Variants in ZNF469 observed in about 807,000 individuals in gnomAD.
The protein encoded by ZNF469 is zinc finger protein 469.
A neutral mutation model predicts 1.0 loss-of-function variants in ZNF469; 1 was observed. That is an observed-to-expected ratio of 1.00 (90% confidence interval 0.35 to 4.73). The LOEUF (loss-of-function observed/expected upper bound fraction) is 4.73. ZNF469 is among the 30% of genes most tolerant of loss of function. The probability of loss-of-function intolerance (pLI) is 0.16; values close to 1 mark genes in which losing one functional copy is unlikely to be tolerated. For synonymous variants in ZNF469, 2,703 were observed against 2,363.4 expected (o/e 1.14, Z -4.17); for missense variants, 6,100 against 5,356.3 (o/e 1.14, Z -4.33).
the ZNF469 span, among the ~76,000 whole-genome samples, chr16:88,222,153 A>G: frequency 6.6e-6 from 1 of 152,318 alleles, no homozygotes; most frequent in Admixed American, 6.5e-5. Context: ...CAGTTTCAGA[A>G]TGTGAATCCT....
the ZNF469 span, among the ~76,000 whole-genome samples, chr16:88,308,041 T>A: frequency 1.3e-5 from 2 of 152,228 alleles, no homozygotes; most frequent in Non-Finnish European, 2.9e-5. Context: ...CTAACCTCAT[T>A]CTTTTGCACA....
the ZNF469 span, among the ~76,000 whole-genome samples, chr16:88,227,506 A>ATCTCCCCC: frequency 2.0e-5 from 1 of 48,892 alleles, no homozygotes; most frequent in African/African-American, 8.1e-5. Flanking sequence ...CCGTCTCCCC[A>ATCTCCCCC]TCTCCCCATC....
chr16:88,377,775 C>T, the ZNF469 span, among the ~76,000 whole-genome samples: 1,118 of 152,312 alleles, frequency 7.3e-3, 23 homozygotes, highest in Admixed American at 0.04. Flanking sequence ...CCTCAGGGCG[C>T]GGACCACGCC....
chr16:88,232,018 T>C, the ZNF469 span, among the ~76,000 whole-genome samples: 1 of 151,932 alleles, frequency 6.6e-6, no homozygotes, highest in Non-Finnish European at 1.5e-5. Context: ...GACCCAGGCA[T>C]GGTGGACCCT....
At chr16:88,359,450 T>C in the ZNF469 span, among the ~76,000 whole-genome samples, 1 of 152,256 alleles carries the variant, frequency 6.6e-6, no homozygotes, top group East Asian at 1.9e-4. Context: ...TTTTGTGCTC[T>C]GTTTCCCTGT....
At position 88,439,370 on chromosome 16, in the gene ZNF469, T is replaced by G; in HGVS notation, c.*38T>G. 6.5e-7 allele frequency: 1 copy of G among 1,548,992 alleles called. No individual in the cohort carries two copies. The highest frequency in any genetic ancestry group is 8.7e-7 in the Non-Finnish European group (1 of 1,146,234). ...AGAGCCTGGGACCGGAGCTGGGCGT[T>G]CCTGTCTCGGCCTGCCTCCTTGGCC... On this transcript the variant is annotated 3_prime_UTR_variant, in exon 3 of 3. Transcript: ENST00000565624.
chr16:88,398,345 G>GA (rs1267974505), intron 1 of ZNF469, among the ~76,000 whole-genome samples: 5 of 152,142 alleles, frequency 3.3e-5, no homozygotes, highest in South Asian at 2.1e-4. Flanking sequence ...CGGGTGAAGG[G>GA]ACACGTGAGC....
At chr16:88,315,388 T>C in the ZNF469 span, among the ~76,000 whole-genome samples, 1 of 152,186 alleles carries the variant, frequency 6.6e-6, no homozygotes, top group Non-Finnish European at 1.5e-5. Flanking sequence ...GTGGGGGCCG[T>C]CATCTTCTCC....
At chr16:88,158,227 C>T in the ZNF469 span, among the ~76,000 whole-genome samples, 1 of 151,518 alleles carries the variant, frequency 6.6e-6, no homozygotes, top group African/African-American at 2.4e-5. Context: ...CTCTGGGCCA[C>T]ACAGCAGGGA....
chr16:88,205,679 C>T, the ZNF469 span, among the ~76,000 whole-genome samples: 14 of 152,172 alleles, frequency 9.2e-5, no homozygotes, highest in African/African-American at 3.1e-4. This position sits in a 1 kb window ranked among gnomAD's most constrained non-coding sequence, Gnocchi z 4.2. Context: ...GGAACCGGCT[C>T]CCAAACCCCG....
chr16:88,281,954 A>T, the ZNF469 span, among the ~76,000 whole-genome samples: 1 of 152,112 alleles, frequency 6.6e-6, no homozygotes, highest in African/African-American at 2.4e-5. Flanking sequence ...TTGTACTGCG[A>T]GATGTTGAGC....
chr16:88,438,157 G>A lies in ZNF469; in HGVS notation c.10687G>A (p.Ala3563Thr). The change falls in exon 3 of 3, where the codon GCT (alanine) becomes ACT (threonine). Residue 3563 changes from alanine to threonine, a missense_variant. Ala to Thr is a moderately conservative substitution (Grantham distance 58). Coordinates refer to ENST00000565624, the MANE Select transcript of ZNF469 (RefSeq NM_001367624.2). ...PSLSPFPAALADGRGDCALDG... is the reference protein window; with the variant it reads ...PSLSPFPAALTDGRGDCALDG... Reference sequence around the variant, plus strand: ...TCTGTCTCCCTTCCCAGCTGCCTTGGCTGATGGCAGAGGAGACTGCGCGCT... The same window carrying A: ...TCTGTCTCCCTTCCCAGCTGCCTTGACTGATGGCAGAGGAGACTGCGCGCT... The A allele has an allele frequency of 2.6e-6, 4 of 1,550,186 alleles. No homozygotes were observed. The highest frequency in any genetic ancestry group is 3.5e-6 in the Non-Finnish European group (4 of 1,146,916).
chr16:88,201,117 G>A, the ZNF469 span, among the ~76,000 whole-genome samples: 4,576 of 152,346 alleles, frequency 0.03, 206 homozygotes, highest in East Asian at 0.18. This position sits in a 1 kb window ranked among gnomAD's most constrained non-coding sequence, Gnocchi z 5.0. Context: ...ACCACTGAGC[G>A]ACAGTTTCTC....
chr16:88,429,028 G>A lies in ZNF469; in HGVS notation c.1558G>A (p.Ala520Thr). 1 of 1,549,480 alleles carries A rather than the reference G, an allele frequency of 6.5e-7. No homozygotes were observed. The highest frequency in any genetic ancestry group is 8.7e-7 in the Non-Finnish European group (1 of 1,146,816). The change falls in exon 3 of 3, where the codon GCC (alanine) becomes ACC (threonine). Residue 520 changes from alanine (A) to threonine (T), a missense_variant. Ala to Thr is a moderately conservative substitution (Grantham distance 58). Coordinates refer to ENST00000565624, the MANE Select transcript of ZNF469 (RefSeq NM_001367624.2). ...CGAGTGGCAGGGGGGCAGCCAAGGA[G>A]CCCTGGGCACTGCTGGCAAGACACC... ...GPEWQGGSQGALGTAGKTPGP... is the reference protein window; with the variant it reads ...GPEWQGGSQGTLGTAGKTPGP...
the ZNF469 span, among the ~76,000 whole-genome samples, chr16:88,252,573 T>C: frequency 6.6e-6 from 1 of 152,168 alleles, no homozygotes; most frequent in African/African-American, 2.4e-5. Flanking sequence ...AGTTGTTATC[T>C]GCGGGAAGGT....
chr16:88,426,657 T>C (rs1180223339), intron 2 of ZNF469, among the ~76,000 whole-genome samples: 1 of 151,728 alleles, frequency 6.6e-6, no homozygotes, highest in Non-Finnish European at 1.5e-5. Flanking sequence ...AGGGAGACCC[T>C]GGCTGACGGC....
At chr16:88,347,737 C>T in the ZNF469 span, among the ~76,000 whole-genome samples, 2 of 152,190 alleles carry the variant, frequency 1.3e-5, no homozygotes, top group African/African-American at 2.4e-5. Flanking sequence ...CTCCCATCTT[C>T]GCCTTTCCAG....
chr16:88,136,263 G>T, the ZNF469 span, among the ~76,000 whole-genome samples: 52 of 152,304 alleles, frequency 3.4e-4, no homozygotes, highest in African/African-American at 1.2e-3. Context: ...CCTGGCCCCT[G>T]CCCTCCTCCT....
In ZNF469 at chr16:88,437,976, G is replaced by A; in HGVS notation, c.10506G>A (p.Glu3502=). 2 of 1,547,718 alleles carry A rather than the reference G, an allele frequency of 1.3e-6. No individual in the cohort carries two copies. Among genetic ancestry groups the A allele is most frequent in the Non-Finnish European group, 1.7e-6 (2 of 1,146,708 alleles). Residue 3502 remains glutamate, a synonymous_variant, in exon 3 of 3, where the codon GAG becomes GAA. Transcript: ENST00000565624. ...GGGGAAGCAGCCCCATCCTGAGTGAGGGCTCTCTCCCGGCCCTGCTCCACC... is the reference window on the plus strand; with the variant it reads ...GGGGAAGCAGCCCCATCCTGAGTGAAGGCTCTCTCCCGGCCCTGCTCCACC... ...PPRGSSPILS[E]GSLPALLHLC...
Sources: allele counts gnomAD v4.1 joint callset (sites outside exome capture counted in the v4.1 genomes callset), GRCh38; gene constraint gnomAD v4.1.1; non-coding constraint Gnocchi (gnomAD v3.1); transcripts MANE v1.5; gene names NCBI Gene and HGNC (gene_info 2026-07-23, HGNC 2026-07-21).